Variants in THSD7B observed in about 807,000 individuals in gnomAD.
THSD7B encodes the protein thrombospondin type 1 domain containing 7B, also known as thrombospondin type-1 domain-containing protein 7B.
In THSD7B, 138 loss-of-function variants were observed where a neutral mutation model predicts 213.6. That is an observed-to-expected ratio of 0.65 (90% CI 0.56 to 0.74). The LOEUF (loss-of-function observed/expected upper bound fraction) is 0.74, where lower values mean the gene tolerates loss of function less well. Ranked by LOEUF, THSD7B falls within the 30% of genes least tolerant of loss-of-function variation. The probability of loss-of-function intolerance (pLI) is 0.00; values close to 1 mark genes in which losing one functional copy is unlikely to be tolerated. For missense variants in THSD7B, 1,931 were observed against 1,991.5 expected, an observed-to-expected ratio of 0.97 and a Z score of 0.58; for synonymous variants, 742 against 687.0, an observed-to-expected ratio of 1.08 and a Z score of -1.25.
chr2:137,138,075 G>A (rs548623407), intron 5 of THSD7B, among the ~76,000 whole-genome samples: 1 of 151,936 alleles, frequency 6.6e-6, no homozygotes, highest in African/African-American at 2.4e-5. Context: ...TAGTTCTTTT[G>A]TACAGATGGG....
intron 12 of THSD7B, among the ~76,000 whole-genome samples, chr2:137,399,477 G>A (rs1049568102): frequency 6.6e-6 from 1 of 152,082 alleles, no homozygotes; most frequent in Non-Finnish European, 1.5e-5. Context: ...ACAGGCATGA[G>A]GCATAACACT....
intron 3 of THSD7B, among the ~76,000 whole-genome samples, chr2:137,066,621 TTTTC>T (rs1687389013): frequency 6.6e-6 from 1 of 152,074 alleles, no homozygotes; most frequent in Admixed American, 6.6e-5. Context: ...GAAATAATTT[TTTTC>T]TTTGTCTTTG....
intron 2 of THSD7B, among the ~76,000 whole-genome samples, chr2:136,976,117 T>G (rs1015620771): frequency 1.3e-5 from 2 of 152,234 alleles, no homozygotes; most frequent in Admixed American, 1.3e-4. Flanking sequence ...GATCATGTCA[T>G]CTGCAAACAA....
chr2:137,596,334 G>A (rs989215793), intron 17 of THSD7B, among the ~76,000 whole-genome samples: 6 of 151,994 alleles, frequency 3.9e-5, no homozygotes, highest in Non-Finnish European at 8.8e-5. Flanking sequence ...AATTATTTTT[G>A]TGTTGCCAGT....
chr2:137,024,261 G>A (rs1686502068), intron 2 of THSD7B, among the ~76,000 whole-genome samples: 1 of 152,144 alleles, frequency 6.6e-6, no homozygotes, highest in Admixed American at 6.5e-5. Context: ...TGGTGGATTT[G>A]GGAGAAGAAG....
At chr2:137,167,160 T>C (rs1417870959) in intron 6 of THSD7B, among the ~76,000 whole-genome samples, 5 of 151,858 alleles carry the variant, frequency 3.3e-5, no homozygotes, top group African/African-American at 7.2e-5. Flanking sequence ...TTGTTTAACC[T>C]GCTAGACTTT....
chr2:137,040,584 G>A (rs776466490), intron 2 of THSD7B, among the ~76,000 whole-genome samples: 13 of 152,046 alleles, frequency 8.6e-5, no homozygotes, highest in East Asian at 7.7e-4. Flanking sequence ...TAGTAGAGAC[G>A]GAGTTTCACC....
chr2:137,584,102 T>G (rs1440683904), intron 17 of THSD7B, among the ~76,000 whole-genome samples: 1 of 152,200 alleles, frequency 6.6e-6, no homozygotes. Flanking sequence ...TTGAAGCAAC[T>G]GGGAATGGGA....
At chr2:136,837,433 T>A (rs956111823) in intron 1 of THSD7B, among the ~76,000 whole-genome samples, 8 of 152,150 alleles carry the variant, frequency 5.3e-5, no homozygotes, top group Admixed American at 5.2e-4. Flanking sequence ...CATGACATAT[T>A]CCCCCTCCTC....
chr2:136,974,143 T>C (rs982560286), intron 2 of THSD7B, among the ~76,000 whole-genome samples: 1 of 152,220 alleles, frequency 6.6e-6, no homozygotes, highest in African/African-American at 2.4e-5. Flanking sequence ...TTAGTATTCT[T>C]ATGATTCAAA....
At chr2:137,121,561 G>A (rs1164839052) in intron 5 of THSD7B, among the ~76,000 whole-genome samples, 1 of 152,122 alleles carries the variant, frequency 6.6e-6, no homozygotes, top group African/African-American at 2.4e-5. Context: ...ATGGATTTTG[G>A]CAATGGTTTT....
chr2:137,559,104 A>G (rs1362647628), intron 15 of THSD7B, among the ~76,000 whole-genome samples: 1 of 152,246 alleles, frequency 6.6e-6, no homozygotes, highest in East Asian at 1.9e-4. Context: ...GCTCATGGAT[A>G]GGAAGAATCA....
intron 2 of THSD7B, among the ~76,000 whole-genome samples, chr2:136,954,036 C>T (rs1573731292): frequency 1.3e-5 from 2 of 152,284 alleles, no homozygotes; most frequent in African/African-American, 4.8e-5. Flanking sequence ...GTTATTCACT[C>T]AAAAATTACT....
At chr2:137,516,674 T>G (rs1036554961) in intron 15 of THSD7B, among the ~76,000 whole-genome samples, 18 of 151,772 alleles carry the variant, frequency 1.2e-4, no homozygotes, top group Non-Finnish European at 2.5e-4. Context: ...GGACTCATTC[T>G]GTGGTCATTT....
chr2:137,483,502 A>G (rs1001241924), intron 15 of THSD7B, among the ~76,000 whole-genome samples: 5 of 152,210 alleles, frequency 3.3e-5, no homozygotes, highest in South Asian at 4.1e-4. Context: ...ATGGTTTCAG[A>G]AGTTAAAATG....
chr2:136,887,300 T>TTGTGTG (rs3084772), intron 2 of THSD7B, among the ~76,000 whole-genome samples: 24,410 of 148,362 alleles, frequency 0.16, 2,629 homozygotes, highest in African/African-American at 0.31. Flanking sequence ...TCCATATTTG[T>TTGTGTG]TGTGTGTGTG....
intron 15 of THSD7B, among the ~76,000 whole-genome samples, chr2:137,555,642 T>C (rs1426283019): frequency 5.3e-5 from 8 of 152,016 alleles, no homozygotes; most frequent in African/African-American, 1.9e-4. Flanking sequence ...GGGCCTCTCT[T>C]CCTCCAAAGG....
chr2:136,977,801 GTTTTTTTT>G (rs56053958), intron 2 of THSD7B, among the ~76,000 whole-genome samples: 7 of 106,002 alleles, frequency 6.6e-5, no homozygotes, highest in South Asian at 3.3e-4. Context: ...TCTTTTCTTT[GTTTTTTTT>G]TTTTTTTTTT....
At chr2:136,979,225 T>TG (rs1371238563) in intron 2 of THSD7B, among the ~76,000 whole-genome samples, 3 of 128,572 alleles carry the variant, frequency 2.3e-5, no homozygotes, top group Admixed American at 7.3e-5. Flanking sequence ...CCCTTAACAT[T>TG]TTTTTTTTTA....
Sources: allele counts gnomAD v4.1 joint callset (sites outside exome capture counted in the v4.1 genomes callset), GRCh38; gene constraint gnomAD v4.1.1; transcripts MANE v1.5; gene names NCBI Gene and HGNC (gene_info 2026-07-23, HGNC 2026-07-21).